The following RERE variants were observed in gnomAD, a reference collection of about 807,000 sequenced individuals.
RERE encodes the protein arginine-glutamic acid dipeptide repeats protein.
A neutral mutation model predicts 146.1 loss-of-function variants in RERE; 40 were observed. The ratio of observed to expected loss-of-function variants is 0.27; its 90% CI spans 0.21 to 0.36. The LOEUF (loss-of-function observed/expected upper bound fraction) is 0.36, where lower values mean the gene tolerates loss of function less well. Among genes scored for constraint, RERE ranks in the 10% least tolerant of loss-of-function variants. The pLI, the probability that RERE is intolerant of heterozygous loss-of-function variation, is 1.00. For synonymous variants in RERE, 1,003 were observed against 866.0 expected (o/e 1.16, Z -2.78); for missense variants, 1,933 against 2,138.7 (o/e 0.90, Z 1.90).
At position 8,423,092 on chromosome 1, in the gene RERE, C is replaced by T. The variant is rs975358819; in HGVS notation, c.1204-285G>A. ...CTAAGAAGCAATCTGTCCCCCTCTT[C>T]CACCAGGCACACATTCTGGTGCACG... On this transcript the variant is annotated intron_variant, in intron 11 of 22. Coordinates refer to ENST00000400908, the MANE Select transcript of RERE (RefSeq NM_001042681.2). The surrounding 1 kb of genome is among the most constrained non-coding windows in gnomAD (Gnocchi z 5.4). 2.6e-6 allele frequency: 1 copy of T among 390,286 alleles called. No homozygotes were observed. Among genetic ancestry groups the T allele is most frequent in the African/African-American group, 2.0e-5 (1 of 49,814 alleles). 24.2% of individuals were successfully genotyped at this position (390,286 alleles called of 1,614,324 possible).
chr1:8,662,234 T>C (rs1638472204), intron 1 of RERE, among the ~76,000 whole-genome samples: 1 of 152,234 alleles, frequency 6.6e-6, no homozygotes, highest in African/African-American at 2.4e-5. Context: ...CTCTTCATTT[T>C]AGGTTACTTC....
At chr1:8,453,217 C>CA in intron 11 of RERE, among the ~76,000 whole-genome samples, 1 of 152,130 alleles carries the variant, frequency 6.6e-6, no homozygotes, top group Non-Finnish European at 1.5e-5. Flanking sequence ...TGGGTTGTCT[C>CA]AAAGGACGAT....
At chr1:8,644,104 A>G (rs1647222936) in intron 2 of RERE, among the ~76,000 whole-genome samples, 1 of 152,220 alleles carries the variant, frequency 6.6e-6, no homozygotes, top group African/African-American at 2.4e-5. Context: ...TCTCATGGCC[A>G]GCCCACATCT....
At chr1:8,756,214 A>G (rs373932052) in intron 1 of RERE, among the ~76,000 whole-genome samples, 4 of 152,360 alleles carry the variant, frequency 2.6e-5, no homozygotes, top group African/African-American at 9.6e-5. Context: ...AGAAACAAGT[A>G]TAATTCTTAC....
chr1:8,498,601 C>G (rs1230439382), intron 8 of RERE, among the ~76,000 whole-genome samples: 1 of 145,738 alleles, frequency 6.9e-6, no homozygotes, highest in Non-Finnish European at 1.5e-5. Flanking sequence ...GAGGTTGAGG[C>G]AAGAGAATCG....
In RERE at chr1:8,359,841, C is replaced by T; in HGVS notation, c.3541G>A (p.Glu1181Lys). Residue 1181 changes from glutamate (E) to lysine (K), a missense_variant, in exon 19 of 23, where the codon GAG becomes AAG. This residue lies in a region of RERE where 1,255 missense variants were observed against 1,153.8 expected (regional missense o/e 1.09). Coordinates refer to ENST00000400908, the MANE Select transcript of RERE (RefSeq NM_001042681.2). ...TCCTTCTCCTTCTCCCGCTCTCGCT[C>T]CTCTCGGGCTTTCTGCTCAGCCTCG... ...KREAEQKARE[E>K]REREKEKEKE... 1 of 1,610,530 alleles carries T rather than the reference C, an allele frequency of 6.2e-7. No individual in the cohort carries two copies. The highest frequency in any genetic ancestry group is 8.5e-7 in the Non-Finnish European group (1 of 1,179,948).
chr1:8,784,463 GT>G (rs148912848), intron 1 of RERE, among the ~76,000 whole-genome samples: 7,986 of 151,870 alleles, frequency 0.053, 219 homozygotes, highest in South Asian at 0.065. Flanking sequence ...TTTGCTTGGG[GT>G]TTTTTTTCTC....
At chr1:8,586,166 A>G (rs1301230715) in intron 4 of RERE, among the ~76,000 whole-genome samples, 1 of 152,242 alleles carries the variant, frequency 6.6e-6, no homozygotes, top group African/African-American at 2.4e-5. Context: ...AAAATTTAGG[A>G]AAGTAAAGCA....
chr1:8,399,363 T>G (rs1643169958), intron 12 of RERE, among the ~76,000 whole-genome samples: 2 of 152,202 alleles, frequency 1.3e-5, no homozygotes, highest in African/African-American at 4.8e-5. Context: ...CTTTAACTTA[T>G]CTGAAAGTTA....
intron 11 of RERE, among the ~76,000 whole-genome samples, chr1:8,427,630 C>A (rs1214157536): frequency 1.5e-5 from 2 of 130,650 alleles, no homozygotes; most frequent in Non-Finnish European, 3.2e-5. Flanking sequence ...CACCCTTGGC[C>A]CCACTTTAAA....
At chr1:8,459,888 T>C (rs193208747) in intron 11 of RERE, among the ~76,000 whole-genome samples, 1 of 152,344 alleles carries the variant, frequency 6.6e-6, no homozygotes, top group African/African-American at 2.4e-5. Flanking sequence ...CTACATAAAA[T>C]GGTCAACAAC....
intron 8 of RERE, among the ~76,000 whole-genome samples, chr1:8,500,516 A>G (rs1054428046): frequency 4.6e-5 from 7 of 152,166 alleles, no homozygotes; most frequent in South Asian, 2.1e-4. Flanking sequence ...TCAGTGCTCA[A>G]TGGTGCCCAG....
At chr1:8,674,510 G>A (rs1265303171) in intron 1 of RERE, among the ~76,000 whole-genome samples, 2 of 152,140 alleles carry the variant, frequency 1.3e-5, no homozygotes, top group African/African-American at 4.8e-5. Context: ...GCAAGCCAGC[G>A]GATCTCCCAA....
chr1:8,699,153 C>T (rs542745833), intron 1 of RERE, among the ~76,000 whole-genome samples: 2 of 152,182 alleles, frequency 1.3e-5, no homozygotes, highest in African/African-American at 4.8e-5. Context: ...ATAATTAGTG[C>T]TCACTATGTT....
intron 11 of RERE, among the ~76,000 whole-genome samples, chr1:8,436,263 G>A (rs536304678): frequency 1.4e-4 from 21 of 152,314 alleles, no homozygotes; most frequent in African/African-American, 4.8e-4. Flanking sequence ...AGGTTGCAAT[G>A]AGCTGAGATT....
At chr1:8,464,552 G>A (rs1644570398) in intron 11 of RERE, among the ~76,000 whole-genome samples, 1 of 152,106 alleles carries the variant, frequency 6.6e-6, no homozygotes, top group Non-Finnish European at 1.5e-5. Flanking sequence ...CTGACAGCAG[G>A]CCAACAGGTC....
At chr1:8,372,507 C>CATGTGTGTGTGTGTGTGTGTGT (rs1553157691) in intron 12 of RERE, among the ~76,000 whole-genome samples, 31 of 131,828 alleles carry the variant, frequency 2.4e-4, no homozygotes, top group African/African-American at 7.9e-4. Context: ...ACCATCAGGT[C>CATGTGTGTGTGTGTGTGTGTGT]GTGTGTGTGT....
chr1:8,364,969 A>G lies in RERE; in HGVS notation c.1448-131T>C. 1 of 691,190 alleles carries G rather than the reference A, an allele frequency of 1.4e-6. No individual in the cohort carries two copies. The highest frequency in any genetic ancestry group is 2.6e-6 in the Non-Finnish European group (1 of 391,058). The allele number at this position is 691,190 out of a possible 1,614,324, so 42.8% of individuals were successfully genotyped here. A position where few individuals can be genotyped will look rare whatever the true frequency, so the allele number is the denominator to read the frequency against. On this transcript the variant is annotated intron_variant, in intron 13 of 22. Transcript: ENST00000400908. This position sits in a 1 kb window ranked among gnomAD's most constrained non-coding sequence, Gnocchi z 5.1. Reference sequence around the variant, plus strand: ...CTACTGCAGGTTCTGGCCACCAGTCAGAGCGGCTGGGTGCACAGGCTGAGG... The same window carrying G: ...CTACTGCAGGTTCTGGCCACCAGTCGGAGCGGCTGGGTGCACAGGCTGAGG...
chr1:8,541,898 A>T (rs1311853655), intron 6 of RERE, among the ~76,000 whole-genome samples: 4 of 152,208 alleles, frequency 2.6e-5, no homozygotes, highest in Non-Finnish European at 5.9e-5. Context: ...GGAGTTTTCA[A>T]ATTTTGGGGT....
Sources: allele counts gnomAD v4.1 joint callset (sites outside exome capture counted in the v4.1 genomes callset), GRCh38; gene constraint gnomAD v4.1.1; regional missense constraint gnomAD v4.1.1; non-coding constraint Gnocchi (gnomAD v3.1); transcripts MANE v1.5; gene names NCBI Gene and HGNC (gene_info 2026-07-23, HGNC 2026-07-21).